MROH2A: variants seen among roughly 807,000 people sequenced by gnomAD.
The protein encoded by MROH2A is maestro heat like repeat family member 2A.
Under a neutral mutation model 200.4 loss-of-function variants are expected in MROH2A, and 174 were observed. The ratio of observed to expected loss-of-function variants is 0.87; its 90% CI spans 0.77 to 0.98. The LOEUF (loss-of-function observed/expected upper bound fraction) is 0.98. MROH2A is among the 50% of genes least tolerant of loss of function. The probability of loss-of-function intolerance (pLI) is 0.00; values close to 1 mark genes in which losing one functional copy is unlikely to be tolerated. For synonymous variants in MROH2A, 829 were observed against 840.4 expected, an observed-to-expected ratio of 0.99 and a Z score of 0.23; for missense variants, 2,045 against 2,139.6, an observed-to-expected ratio of 0.96 and a Z score of 0.87.
rs1040690655 is a variant in MROH2A at position 233,796,046 on chromosome 2, G to T, written c.1138+1G>T. 5 of 1,550,204 alleles carry T rather than the reference G, an allele frequency of 3.2e-6. No individual in the cohort carries two copies. Among genetic ancestry groups the T allele is most frequent in the Non-Finnish European group, 4.4e-6 (5 of 1,146,828 alleles). On this transcript the variant is annotated splice_donor_variant, in intron 10 of 41. Coordinates refer to ENST00000389758, the MANE Select transcript of MROH2A (RefSeq NM_001394639.1). LOFTEE classifies it high-confidence loss of function. ...ATGGTGCACTGCTTCGTAGCCCTTG[G>T]TGAGGCTCTGCGGCAGGGTGCTCCC... is the stretch of plus-strand genomic sequence containing the variant.
intron 5 of MROH2A, among the ~76,000 whole-genome samples, chr2:233,792,133 G>C (rs142332250): frequency 6.6e-6 from 1 of 152,034 alleles, no homozygotes; most frequent in African/African-American, 2.4e-5. Flanking sequence ...GCCTGTGTCC[G>C]GGAGGATGGA....
At chr2:233,789,016 C>G (rs1478851356) in intron 3 of MROH2A, among the ~76,000 whole-genome samples, 1 of 150,480 alleles carries the variant, frequency 6.6e-6, no homozygotes, top group South Asian at 2.1e-4. Context: ...ATACGACCCT[C>G]CAGGTGTGAT....
At position 233,805,021 on chromosome 2, in the gene MROH2A, C is replaced by T. The variant is rs1702701099; in HGVS notation, c.1962C>T (p.Leu654=). 6.5e-7 allele frequency: 1 copy of T among 1,549,998 alleles called. No homozygotes were observed. The highest frequency in any genetic ancestry group is 8.7e-7 in the Non-Finnish European group (1 of 1,146,672). Residue 654 remains leucine (L), a synonymous_variant, in exon 19 of 42, where the codon CTC becomes CTT. Transcript: ENST00000389758. The part of the protein sequence containing the change: ...DKLIQFLRNS[L]KKTRGSSWSL... ...CTCCCCAGTTTCTGCGAAACTCCCT[C>T]AAGAAGACCCGGGGGTCTAGCTGGA...
In MROH2A at chr2:233,822,153, C is replaced by T. The variant is rs751376249; in HGVS notation, c.3542C>T (p.Ser1181Leu). The change falls in exon 32 of 42, where the codon TCG becomes TTG. Residue 1181 changes from serine to leucine, a missense_variant. By Grantham distance (145) the Ser-to-Leu change is moderately radical. Around this residue, in one of 3 missense-constraint regions of MROH2A, gnomAD observed 1,201 missense variants for 1,311.3 expected, o/e 0.92. Coordinates refer to ENST00000389758, the MANE Select transcript of MROH2A (RefSeq NM_001394639.1). The part of the protein sequence containing the change: ...SHLAEVWLAV[S>L]ENVPFARTML... Reference sequence around the variant, plus strand: ...CTGGCAGAGGTGTGGCTGGCAGTGTCGGAGAACGTGCCCTTCGCCCGGACC... The same window carrying T: ...CTGGCAGAGGTGTGGCTGGCAGTGTTGGAGAACGTGCCCTTCGCCCGGACC... The T allele has an allele frequency of 3.8e-5, 59 of 1,550,040 alleles. No homozygotes were observed. The East Asian group carries it at 8.3e-4, about 22-fold the overall frequency.
At chr2:233,779,620 T>G in intron 2 of MROH2A, 51 bp from the exon 3 acceptor site, 1 of 1,536,936 alleles carries the variant, frequency 6.5e-7, no homozygotes, top group Non-Finnish European at 8.8e-7. Context: ...CAAGGGCACC[T>G]CCTGTCATGG....
intron 26 of MROH2A, among the ~76,000 whole-genome samples, chr2:233,816,409 C>A (rs1703532828): frequency 6.6e-6 from 1 of 152,192 alleles, no homozygotes; most frequent in African/African-American, 2.4e-5. Context: ...GGTTGATGAA[C>A]TGACCCTTAT....
chr2:233,828,965 G>A lies in MROH2A; in HGVS notation c.4339G>A (p.Ala1447Thr). The change falls in exon 37 of 42, where the codon GCC (alanine) becomes ACC (threonine). Residue 1447 changes from alanine to threonine, a missense_variant. Physicochemically the swap from Ala to Thr is moderately conservative, Grantham distance 58 (BLOSUM62 0). Coordinates refer to ENST00000389758, the MANE Select transcript of MROH2A (RefSeq NM_001394639.1). The surrounding 1 kb of genome is among the most constrained non-coding windows in gnomAD (Gnocchi z 4.6). ...GGAGCCCGTGAGCAACAGCGTGACT[G>A]CCGAGGGCATGGAGGCCCTGACCAA... ...LREPVSNSVT[A>T]EGMEALTKIL... 1.3e-6 allele frequency: 2 copies of A among 1,550,548 alleles called. No individual in the cohort carries two copies. Among genetic ancestry groups the A allele is most frequent in the Non-Finnish European group, 1.7e-6 (2 of 1,146,986 alleles).
Position 233,811,878 on chromosome 2 carries a change from A to T in MROH2A, c.2572-2A>T. The T allele has an allele frequency of 6.5e-7, 1 of 1,549,762 alleles. No individual in the cohort carries two copies. Among genetic ancestry groups the T allele is most frequent in the South Asian group, 1.2e-5 (1 of 84,054 alleles). ...CCACCACCCCCTGCTTGTGTTGGAC[A>T]GGCGGTCATCAAGGCAGAACCGACT... On this transcript the variant is annotated splice_acceptor_variant, in intron 23 of 41. Transcript: ENST00000389758. LOFTEE classifies it high-confidence loss of function.
intron 1 of MROH2A, 73 bp from the exon 2 acceptor site, chr2:233,779,272 G>C (rs1010786203): frequency 2.2e-6 from 2 of 890,528 alleles, no homozygotes; most frequent in Non-Finnish European, 3.6e-6. Context: ...TTTATGGAAG[G>C]GTGTGGGTCG....
In MROH2A at chr2:233,814,602, G is replaced by A. The variant is rs933481428; in HGVS notation, c.2781G>A (p.Leu927=). ...ESIKTLYANA[L]SSLEQLMESL... Reference sequence around the variant, plus strand: ...TGTAGACCCTGTATGCAAATGCCCTGAGCTCCCTGGAGCAGCTGATGGAGA... The same window carrying A: ...TGTAGACCCTGTATGCAAATGCCCTAAGCTCCCTGGAGCAGCTGATGGAGA... Residue 927 remains leucine (L), a synonymous_variant, in exon 26 of 42, where the codon CTG becomes CTA. Coordinates refer to ENST00000389758, the MANE Select transcript of MROH2A (RefSeq NM_001394639.1). 6.5e-7 allele frequency: 1 copy of A among 1,550,344 alleles called. No homozygotes were observed. The highest frequency in any genetic ancestry group is 8.7e-7 in the Non-Finnish European group (1 of 1,146,878).
chr2:233,798,203 G>A (rs1227891134), intron 11 of MROH2A, among the ~76,000 whole-genome samples: 3 of 152,180 alleles, frequency 2.0e-5, no homozygotes, highest in Non-Finnish European at 4.4e-5. Flanking sequence ...TGGGTGTGCT[G>A]TCATCAGTTG....
At chr2:233,782,073 T>C (rs189110850) in intron 3 of MROH2A, among the ~76,000 whole-genome samples, 2 of 152,308 alleles carry the variant, frequency 1.3e-5, no homozygotes, top group East Asian at 3.9e-4. Context: ...TTCTGTTCCA[T>C]TGGTCTATGT....
At chr2:233,786,627 A>T (rs1021511610) in intron 3 of MROH2A, among the ~76,000 whole-genome samples, 3 of 152,202 alleles carry the variant, frequency 2.0e-5, no homozygotes, top group Non-Finnish European at 4.4e-5. Flanking sequence ...GCTGATGGAC[A>T]ACTTGTTACT....
intron 6 of MROH2A, among the ~76,000 whole-genome samples, chr2:233,793,234 C>T (rs1225061335): frequency 6.6e-6 from 1 of 152,184 alleles, no homozygotes; most frequent in Non-Finnish European, 1.5e-5. Context: ...GAAAACGGCT[C>T]CATGTGGAGC....
intron 40 of MROH2A, 25 bp from the exon 41 acceptor site, chr2:233,832,554 A>C: frequency 6.6e-7 from 1 of 1,507,002 alleles, no homozygotes; most frequent in Non-Finnish European, 9.0e-7. Context: ...TCGCGTGATG[A>C]GCATTTCTTT....
Position 233,796,306 on chromosome 2 carries a change from C to T in MROH2A, c.1245C>T (p.Ser415=), listed in dbSNP as rs1194326196. Residue 415 remains serine (S), a synonymous_variant, in exon 11 of 42, where the codon AGC becomes AGT. Transcript: ENST00000389758. ...GTLNLIRAIV[S]ADEPRMSIRA... The stretch of plus-strand genomic sequence containing the variant: ...TGAATCTGATTAGGGCTATAGTGAG[C>T]GCAGATGGTGAGCAAGGCAGGGTGG... The T allele has an allele frequency of 1.1e-4, 101 of 940,646 alleles. No individual in the cohort carries two copies. The East Asian group carries it at 4.8e-3, about 44-fold the overall frequency. The allele number at this position is 940,646 out of a possible 1,614,324, so 58.3% of individuals were successfully genotyped here. A position where few individuals can be genotyped will look rare whatever the true frequency, so the allele number is the denominator to read the frequency against.
At chr2:233,795,543 C>A in intron 8 of MROH2A, 110 bp from the exon 9 acceptor site, 1 of 1,503,632 alleles carries the variant, frequency 6.7e-7, no homozygotes, top group Non-Finnish European at 9.0e-7. Flanking sequence ...AATCAGCTCC[C>A]AGGGAATGCT....
chr2:233,813,271 AGCTGCT>A (rs895511669), intron 24 of MROH2A, among the ~76,000 whole-genome samples: 1 of 151,908 alleles, frequency 6.6e-6, no homozygotes, highest in African/African-American at 2.4e-5. Context: ...TCCAAGGTGA[AGCTGCT>A]GCTGCTGCTG....
At chr2:233,810,060 A>T (rs941582248) in intron 22 of MROH2A, among the ~76,000 whole-genome samples, 9 of 152,160 alleles carry the variant, frequency 5.9e-5, no homozygotes, top group African/African-American at 1.9e-4. Flanking sequence ...AGGTTCATCC[A>T]TGTAAAAGCA....
Sources: gnomAD v4.1 joint callset for allele counts (sites outside exome capture counted in the v4.1 genomes callset) on GRCh38, gnomAD v4.1.1 for gene constraint, gnomAD v4.1.1 regional missense constraint, Gnocchi (gnomAD v3.1) non-coding constraint, MANE v1.5 for transcripts, NCBI Gene and HGNC (gene_info 2026-07-23, HGNC 2026-07-21) for gene names.